Variants in CACNA1C observed in about 807,000 individuals in gnomAD.
CACNA1C encodes calcium voltage-gated channel subunit alpha1 C.
A neutral mutation model predicts 229.0 loss-of-function variants in CACNA1C; 30 were observed. The observed-to-expected ratio is 0.13, with a 90% CI of 0.10 to 0.18. CACNA1C has a LOEUF of 0.18. CACNA1C is among the 10% of genes least tolerant of loss of function. CACNA1C has a pLI of 1.00. For synonymous variants in CACNA1C, 1,114 were observed against 1,132.5 expected, an observed-to-expected ratio of 0.98 and a Z score of 0.33; for missense variants, 1,658 against 2,845.0, an observed-to-expected ratio of 0.58 and a Z score of 9.49.
At chr12:2,357,992 TC>T (rs2097431855) in intron 3 of CACNA1C, among the ~76,000 whole-genome samples, 3 of 132,626 alleles carry the variant, frequency 2.3e-5, no homozygotes, top group African/African-American at 8.5e-5. Flanking sequence ...AAAAAAAAAA[TC>T]GCAACAAAAC....
chr12:2,611,845 G>A (rs1435862444), intron 28 of CACNA1C, 58 bp from the exon 29 acceptor site: 32 of 1,084,016 alleles, frequency 3.0e-5, no homozygotes, highest in South Asian at 2.2e-4. Context: ...GCAAAAGGTG[G>A]GGAGGAGGAG....
At chr12:2,393,675 T>TG (rs1158756066) in intron 3 of CACNA1C, among the ~76,000 whole-genome samples, 1 of 152,260 alleles carries the variant, frequency 6.6e-6, no homozygotes, top group Admixed American at 6.5e-5. Flanking sequence ...GTTCTGTAGA[T>TG]GCTGCTTCTC....
chr12:2,625,899 A>G (rs960945060), intron 29 of CACNA1C, among the ~76,000 whole-genome samples: 2 of 152,198 alleles, frequency 1.3e-5, no homozygotes, highest in Non-Finnish European at 2.9e-5. Context: ...TGGAGGCTGC[A>G]ATGAAATATT....
rs180977866 is a variant in CACNA1C, at chr12:2,261,306, A to G, written c.477+140876A>G. On this transcript the variant is annotated intron_variant, in intron 3 of 46. Coordinates refer to ENST00000399655, the MANE Select transcript of CACNA1C (RefSeq NM_000719.7). ...TAAGCAATATTGTTTCTGAAAAATA[A>G]TTTTTTTGTAAAACAAAAAAACAGA... 3.9e-5 allele frequency among the ~76,000 whole-genome samples: 6 copies of G among 152,294 alleles called. No individual in the cohort carries two copies. In the East Asian group the frequency reaches 1.2e-3, roughly 29 times the overall value.
chr12:2,679,692 C>A lies in CACNA1C; in HGVS notation c.5340C>A (p.Arg1780=). 1 of 1,612,348 alleles carries A rather than the reference C, an allele frequency of 6.2e-7. No homozygotes were observed. Residue 1780 remains arginine, a synonymous_variant, in exon 42 of 47, where the codon CGC becomes CGA. Transcript: ENST00000399655. This position sits in a 1 kb window ranked among gnomAD's most constrained non-coding sequence, Gnocchi z 5.5. ...ANNTALGRLP[R]PAGYPSTVST... ...ACACCGCCCTGGGTCGCCTCCCTCG[C>A]CCCGCCGGCTACCCCAGCACGGTCA...
chr12:2,051,417 C>T (rs963078027), upstream of CACNA1C, among the ~76,000 whole-genome samples: 3 of 152,144 alleles, frequency 2.0e-5, no homozygotes, highest in Non-Finnish European at 4.4e-5. Context: ...AAATGGGTAA[C>T]CATGGATGGT....
intron 3 of CACNA1C, among the ~76,000 whole-genome samples, chr12:2,286,724 C>T (rs1215899598): frequency 2.0e-5 from 3 of 152,124 alleles, no homozygotes; most frequent in Non-Finnish European, 2.9e-5. Flanking sequence ...TGACAGGACC[C>T]AGGCTCAGGC....
At chr12:2,344,304 A>C (rs191451581) in intron 3 of CACNA1C, among the ~76,000 whole-genome samples, 1 of 152,220 alleles carries the variant, frequency 6.6e-6, no homozygotes, top group Admixed American at 6.5e-5. Context: ...GTAGCAAAGA[A>C]AGGGCATTCT....
At chr12:1,972,059 C>CTAA (rs1845177859) in intron 1 of CACNA1C, among the ~76,000 whole-genome samples, 1 of 152,232 alleles carries the variant, frequency 6.6e-6, no homozygotes, top group Non-Finnish European at 1.5e-5. Context: ...TATAACTTCA[C>CTAA]TAATTCCTCT....
Position 2,520,026 on chromosome 12 carries a change from G to A in CACNA1C, c.1390+7042G>A, listed in dbSNP as rs193043883. 1.3e-3 allele frequency among the ~76,000 whole-genome samples: 195 copies of A among 152,384 alleles called. 1 individual carries two copies. Among genetic ancestry groups the A allele is most frequent in the African/African-American group, 4.6e-3 (191 of 41,590 alleles). Reference sequence around the variant, plus strand: ...AGTGAGCTGTCGGACACTTCCCAAAGCAAAACCACCAGCTCTGGGCAAGGC... The same window carrying A: ...AGTGAGCTGTCGGACACTTCCCAAAACAAAACCACCAGCTCTGGGCAAGGC... On this transcript the variant is annotated intron_variant, in intron 9 of 46. Coordinates refer to ENST00000399655, the MANE Select transcript of CACNA1C (RefSeq NM_000719.7).
rs1990322 is a variant in CACNA1C at position 2,651,804 on chromosome 12, G to A, written c.4074+36G>A. Reference sequence around the variant, plus strand: ...CTCATGTCCTGCGGCCCGGGGAATCGCAGGGCTGCCGCGTGGCCCAGAACA... The same window carrying A: ...CTCATGTCCTGCGGCCCGGGGAATCACAGGGCTGCCGCGTGGCCCAGAACA... On this transcript the variant is annotated intron_variant, in intron 32 of 46. Coordinates refer to ENST00000399655, the MANE Select transcript of CACNA1C (RefSeq NM_000719.7). The surrounding 1 kb of genome is among the most constrained non-coding windows in gnomAD (Gnocchi z 5.4). The A allele has an allele frequency of 0.69, 1,072,013 of 1,548,686 alleles. 381,859 individuals are homozygous for A. The highest frequency in any genetic ancestry group is 0.78 in the Admixed American group (43,782 of 56,328).
At chr12:2,154,848 G>A (rs754260649) in intron 3 of CACNA1C, among the ~76,000 whole-genome samples, 11 of 152,120 alleles carry the variant, frequency 7.2e-5, no homozygotes, top group Non-Finnish European at 1.5e-4. Context: ...GAAGCTCCCC[G>A]CAGGACAGTG....
At chr12:2,090,032 G>C (rs1407815280) in intron 1 of CACNA1C, among the ~76,000 whole-genome samples, 1 of 151,604 alleles carries the variant, frequency 6.6e-6, no homozygotes, top group African/African-American at 2.4e-5. Context: ...CCGTCTCAAA[G>C]GAAAAAAAAG....
chr12:2,277,238 G>A (rs2154430167), intron 3 of CACNA1C, among the ~76,000 whole-genome samples: 1 of 152,098 alleles, frequency 6.6e-6, no homozygotes, highest in Non-Finnish European at 1.5e-5. Context: ...GCCATTACTT[G>A]GAAACACTGT....
intron 3 of CACNA1C, among the ~76,000 whole-genome samples, chr12:2,379,503 G>A (rs1016230833): frequency 5.3e-5 from 8 of 152,176 alleles, no homozygotes; most frequent in Non-Finnish European, 8.8e-5. Context: ...AGGAATTGGA[G>A]GATCTTGACG....
intron 13 of CACNA1C, 83 bp downstream of exon 13, chr12:2,567,877 T>G (rs1402100259): frequency 5.2e-6 from 4 of 767,000 alleles, no homozygotes; most frequent in African/African-American, 5.2e-5. Flanking sequence ...AAGGCCTGGG[T>G]GGGAGGGGGG....
At chr12:2,468,931 G>A (rs536603750) in intron 5 of CACNA1C, among the ~76,000 whole-genome samples, 10 of 152,360 alleles carry the variant, frequency 6.6e-5, no homozygotes, top group African/African-American at 2.2e-4. Context: ...CACCATGGCA[G>A]TTGCCCTCTG....
At chr12:2,411,566 C>T (rs1407140243) in intron 3 of CACNA1C, among the ~76,000 whole-genome samples, 2 of 152,196 alleles carry the variant, frequency 1.3e-5, no homozygotes, top group Non-Finnish European at 2.9e-5. Flanking sequence ...GTCCCCGGGC[C>T]CTGGCCTTGC....
intron 3 of CACNA1C, among the ~76,000 whole-genome samples, chr12:2,252,194 C>T (rs1167367139): frequency 6.6e-6 from 1 of 152,158 alleles, no homozygotes; most frequent in African/African-American, 2.4e-5. Flanking sequence ...TGCTGTAACC[C>T]CAATTAATAA....
Sources: gnomAD v4.1 joint callset for allele counts (sites outside exome capture counted in the v4.1 genomes callset) on GRCh38, gnomAD v4.1.1 for gene constraint, Gnocchi (gnomAD v3.1) non-coding constraint, MANE v1.5 for transcripts, NCBI Gene and HGNC (gene_info 2026-07-23, HGNC 2026-07-21) for gene names.